UGGT2: variants seen among roughly 807,000 people sequenced by gnomAD.
The protein encoded by UGGT2 is UDP-glucose:glycoprotein glucosyltransferase 2.
A neutral mutation model predicts 192.1 loss-of-function variants in UGGT2; 180 were observed. The observed-to-expected ratio is 0.94, with a 90% confidence interval of 0.83 to 1.06. The LOEUF is 1.06. Among genes scored for constraint, UGGT2 ranks in the 50% least tolerant of loss-of-function variants. UGGT2 has a pLI of 0.00. For synonymous variants in UGGT2, 580 were observed against 591.0 expected (o/e 0.98, Z 0.27); for missense variants, 1,849 against 1,795.7 (o/e 1.03, Z -0.54).
At chr13:95,968,031 A>G (rs2050644657) in intron 12 of UGGT2, among the ~76,000 whole-genome samples, 1 of 152,124 alleles carries the variant, frequency 6.6e-6, no homozygotes, top group East Asian at 1.9e-4. Flanking sequence ...CAATCTTGTC[A>G]CACAACACTT....
chr13:95,924,763 G>C (rs1166312670), intron 20 of UGGT2, among the ~76,000 whole-genome samples: 1 of 152,074 alleles, frequency 6.6e-6, no homozygotes, highest in Admixed American at 6.6e-5. Context: ...CCAAAAACAG[G>C]TCTATGTGGC....
intron 17 of UGGT2, among the ~76,000 whole-genome samples, chr13:95,934,450 G>A (rs1038226091): frequency 1.3e-5 from 2 of 152,212 alleles, no homozygotes; most frequent in Non-Finnish European, 2.9e-5. Context: ...AACACTGTCA[G>A]TGTCTAACAC....
At chr13:95,951,402 T>C (rs897295812) in intron 12 of UGGT2, among the ~76,000 whole-genome samples, 15 of 152,178 alleles carry the variant, frequency 9.9e-5, no homozygotes, top group African/African-American at 3.1e-4. Flanking sequence ...AAGGAAGATA[T>C]AGGTGCAGAG....
At position 95,900,952 on chromosome 13, in the gene UGGT2, T is replaced by G; in HGVS notation, c.2503-14A>C. 2 of 1,541,306 alleles carry G rather than the reference T, an allele frequency of 1.3e-6. No individual in the cohort carries two copies. Among genetic ancestry groups the G allele is most frequent in the East Asian group, 4.6e-5 (2 of 43,112 alleles). On this transcript the variant is annotated splice_polypyrimidine_tract_variant and intron_variant, in intron 21 of 38. Transcript: ENST00000376747. Reference sequence around the variant, plus strand: ...CTTATCCATCCCCTAAAGCAAAAGTTAAGACTGATGAAACTAATATGAGAA... The same window carrying G: ...CTTATCCATCCCCTAAAGCAAAAGTGAAGACTGATGAAACTAATATGAGAA...
intron 36 of UGGT2, 45 bp from the exon 37 acceptor site, chr13:95,837,247 T>C: frequency 7.2e-7 from 1 of 1,380,256 alleles, no homozygotes; most frequent in African/African-American, 1.4e-5. Context: ...AAATTTAGAG[T>C]CAGAAGGAAA....
chr13:96,034,171 G>A (rs933338267), intron 1 of UGGT2, among the ~76,000 whole-genome samples: 1 of 152,082 alleles, frequency 6.6e-6, no homozygotes, highest in East Asian at 1.9e-4. Context: ...ACCCATTCCA[G>A]GTGTCCTCTC....
intron 33 of UGGT2, 71 bp from the exon 34 acceptor site, chr13:95,856,411 C>T (rs184695113): frequency 2.6e-6 from 4 of 1,521,712 alleles, no homozygotes; most frequent in African/African-American, 2.8e-5. Context: ...AAAAAAATAA[C>T]ATTAAAAAGG....
chr13:95,948,122 G>T, intron 13 of UGGT2, 41 bp from the exon 14 acceptor site: 1 of 1,470,872 alleles, frequency 6.8e-7, no homozygotes, highest in East Asian at 2.3e-5. Context: ...CAACACCTTA[G>T]AATCTTCATG....
chr13:95,963,718 G>A (rs926100231), intron 12 of UGGT2, among the ~76,000 whole-genome samples: 1 of 152,024 alleles, frequency 6.6e-6, no homozygotes, highest in Non-Finnish European at 1.5e-5. Flanking sequence ...ACAAAAATCA[G>A]TAGTGTTTCT....
At chr13:95,877,887 G>C (rs1244687240) in intron 27 of UGGT2, 31 bp from the exon 28 acceptor site, 1 of 1,589,596 alleles carries the variant, frequency 6.3e-7, no homozygotes, top group South Asian at 1.2e-5. Flanking sequence ...TGTTTTTGGT[G>C]TTATGTAAAA....
chr13:96,009,288 A>T (rs1490975465), intron 5 of UGGT2, among the ~76,000 whole-genome samples: 1 of 152,222 alleles, frequency 6.6e-6, no homozygotes, highest in Non-Finnish European at 1.5e-5. Context: ...CCTGGCAAAG[A>T]TTTCATGACG....
intron 2 of UGGT2, among the ~76,000 whole-genome samples, chr13:96,026,896 C>T: frequency 6.6e-6 from 1 of 151,992 alleles, no homozygotes; most frequent in Non-Finnish European, 1.5e-5. Flanking sequence ...TGGTCTCGAT[C>T]TCCTGACCTC....
chr13:95,942,347 C>CA (rs1382604953), intron 15 of UGGT2, among the ~76,000 whole-genome samples: 1 of 151,388 alleles, frequency 6.6e-6, no homozygotes, highest in African/African-American at 2.4e-5. Context: ...GTGGCTCTGC[C>CA]AGTTTAGATT....
intron 6 of UGGT2, among the ~76,000 whole-genome samples, chr13:95,997,938 T>G (rs1566809229): frequency 6.6e-6 from 1 of 152,020 alleles, no homozygotes; most frequent in African/African-American, 2.4e-5. Flanking sequence ...TTGAGAGAGG[T>G]TATAGGGAGC....
At chr13:95,947,609 C>T (rs2049920318) in intron 14 of UGGT2, among the ~76,000 whole-genome samples, 1 of 151,970 alleles carries the variant, frequency 6.6e-6, no homozygotes, top group African/African-American at 2.4e-5. Flanking sequence ...CACCACCACG[C>T]CTTGCTAATT....
chr13:95,856,095 A>G (rs1889582910), intron 34 of UGGT2, 63 bp downstream of exon 34: 9 of 1,295,146 alleles, frequency 6.9e-6, no homozygotes, highest in South Asian at 2.9e-5. Flanking sequence ...ATTAATCTCT[A>G]TATTAAGATA....
intron 12 of UGGT2, among the ~76,000 whole-genome samples, chr13:95,954,995 T>C (rs1034750917): frequency 1.3e-5 from 2 of 152,208 alleles, no homozygotes; most frequent in African/African-American, 4.8e-5. Flanking sequence ...TGTGTAACAG[T>C]TGTCTATGCC....
intron 29 of UGGT2, among the ~76,000 whole-genome samples, chr13:95,876,652 G>A (rs1327597183): frequency 6.6e-6 from 1 of 152,180 alleles, no homozygotes; most frequent in Non-Finnish European, 1.5e-5. Flanking sequence ...GTTGAGGAAG[G>A]AGTAATGCAT....
At chr13:96,024,782 G>A (rs558995755) in intron 2 of UGGT2, among the ~76,000 whole-genome samples, 3 of 152,294 alleles carry the variant, frequency 2.0e-5, no homozygotes, top group East Asian at 1.9e-4. Context: ...TATCTGATGT[G>A]AAAGGGATAA....
Sources: gnomAD v4.1 joint callset for allele counts (sites outside exome capture counted in the v4.1 genomes callset) on GRCh38, gnomAD v4.1.1 for gene constraint, MANE v1.5 for transcripts, NCBI Gene and HGNC (gene_info 2026-07-23, HGNC 2026-07-21) for gene names.